The following SHLD1 variants were observed in gnomAD, a reference collection of about 807,000 sequenced individuals.
SHLD1 encodes the protein RINN1-REV7-interacting novel NHEJ regulator 3.
In SHLD1, 3 loss-of-function variants were observed where a neutral mutation model predicts 5.5. The ratio of observed to expected loss-of-function variants is 0.54; its 90% CI spans 0.25 to 1.40. The LOEUF is 1.40. Among genes scored for constraint, SHLD1 ranks in the 40% most tolerant of loss-of-function variants. SHLD1 has a pLI of 0.15. For missense variants in SHLD1, 210 were observed against 244.4 expected, an observed-to-expected ratio of 0.86 and a Z score of 0.94; for synonymous variants, 92 against 94.3, an observed-to-expected ratio of 0.98 and a Z score of 0.14.
chr20:5,849,729 G>A (rs1026071517), intron 2 of SHLD1, among the ~76,000 whole-genome samples: 2 of 151,930 alleles, frequency 1.3e-5, no homozygotes, highest in African/African-American at 4.8e-5. Flanking sequence ...GGAGGCCGAG[G>A]CGGGTGGATC....
rs535957737 is a variant in SHLD1 at position 5,825,889 on chromosome 20, T to C, written c.179-37135T>C. Among the ~76,000 whole-genome samples the C allele has an allele frequency of 3.2e-4, 49 of 152,378 alleles. 1 individual carries two copies. In the South Asian group the frequency reaches 4.6e-3, roughly 14 times the overall value. ...AATATTTTCCTGACAGTGTAAGTTT[T>C]CATTCTCAGAACTGAGTATTATGCA... is the stretch of plus-strand genomic sequence containing the variant. On this transcript the variant is annotated intron_variant, in intron 2 of 2. Coordinates refer to ENST00000303142, the MANE Select transcript of SHLD1 (RefSeq NM_152504.4).
At chr20:5,762,817 C>T (rs1052966244) in intron 1 of SHLD1, among the ~76,000 whole-genome samples, 4 of 151,580 alleles carry the variant, frequency 2.6e-5, no homozygotes, top group African/African-American at 9.7e-5. Context: ...TACTAAAATA[C>T]AAAAAATTAG....
At chr20:5,838,861 A>G (rs1568526508) in intron 2 of SHLD1, among the ~76,000 whole-genome samples, 1 of 152,228 alleles carries the variant, frequency 6.6e-6, no homozygotes, top group South Asian at 2.1e-4. Context: ...TTTGATGTGC[A>G]TTTGATTAAT....
At chr20:5,851,951 G>A (rs1347899509) in intron 2 of SHLD1, among the ~76,000 whole-genome samples, 2 of 151,786 alleles carry the variant, frequency 1.3e-5, no homozygotes, top group Non-Finnish European at 1.5e-5. Flanking sequence ...TGCTGTCCTC[G>A]AAATAGTGAG....
chr20:5,849,965 C>CAAAAAAA (rs752647466), intron 2 of SHLD1, among the ~76,000 whole-genome samples: 2 of 50,238 alleles, frequency 4.0e-5, no homozygotes, highest in African/African-American at 1.4e-4. Flanking sequence ...GACTCCGTCT[C>CAAAAAAA]AAAAAAAAAA....
chr20:5,846,143 G>C (rs1033092921), intron 2 of SHLD1, among the ~76,000 whole-genome samples: 9 of 152,174 alleles, frequency 5.9e-5, no homozygotes, highest in African/African-American at 2.2e-4. Flanking sequence ...AACTGGCTCT[G>C]TTTTGATAGA....
intron 1 of SHLD1, among the ~76,000 whole-genome samples, chr20:5,769,626 A>G (rs181268376): frequency 5.9e-5 from 9 of 152,354 alleles, no homozygotes; most frequent in African/African-American, 1.9e-4. Context: ...ATACTGTAAT[A>G]TAAGTTATGT....
chr20:5,808,507 C>A (rs1310383830), intron 2 of SHLD1, among the ~76,000 whole-genome samples: 1 of 152,128 alleles, frequency 6.6e-6, no homozygotes, highest in African/African-American at 2.4e-5. Flanking sequence ...CCTTTTTTCA[C>A]TTATTGCTAT....
chr20:5,854,885 A>C (rs1445489591), intron 2 of SHLD1, among the ~76,000 whole-genome samples: 1 of 44,032 alleles, frequency 2.3e-5, no homozygotes, highest in East Asian at 1.4e-3. Flanking sequence ...TTTTTTTTTT[A>C]AGAGACAGGT....
chr20:5,756,049 C>T (rs953035442), intron 1 of SHLD1, among the ~76,000 whole-genome samples: 4 of 152,050 alleles, frequency 2.6e-5, no homozygotes, highest in Admixed American at 6.6e-5. Context: ...TCTGTTTTGT[C>T]AGTCTTATGA....
intron 1 of SHLD1, among the ~76,000 whole-genome samples, chr20:5,762,003 G>C (rs1213452473): frequency 1.3e-5 from 2 of 151,430 alleles, no homozygotes; most frequent in East Asian, 3.9e-4. Flanking sequence ...TGTAATCCTA[G>C]CACTTTGGGA....
At chr20:5,751,989 A>G (rs60718912) in intron 1 of SHLD1, among the ~76,000 whole-genome samples, 2,779 of 152,268 alleles carry the variant, frequency 0.018, 84 homozygotes, top group African/African-American at 0.062. Flanking sequence ...AAAGACTTGA[A>G]GTCAGTAGAA....
chr20:5,767,435 G>A (rs1325608523), intron 1 of SHLD1, among the ~76,000 whole-genome samples: 1 of 152,142 alleles, frequency 6.6e-6, no homozygotes, highest in African/African-American at 2.4e-5. Flanking sequence ...ACCGCGCCTG[G>A]CCTCTTTATT....
chr20:5,838,766 A>C (rs2087819961), intron 2 of SHLD1, among the ~76,000 whole-genome samples: 1 of 152,246 alleles, frequency 6.6e-6, no homozygotes, highest in African/African-American at 2.4e-5. Flanking sequence ...TGACGGAGCG[A>C]GACTCTGTCT....
chr20:5,807,354 C>G (rs1268606298), intron 2 of SHLD1, among the ~76,000 whole-genome samples: 6 of 149,788 alleles, frequency 4.0e-5, no homozygotes, highest in South Asian at 4.2e-4. Context: ...TTCTTTCCTT[C>G]TTTTCTTTCT....
intron 2 of SHLD1, among the ~76,000 whole-genome samples, chr20:5,800,685 C>CAA (rs11467458): frequency 1.2e-4 from 18 of 150,384 alleles, no homozygotes; most frequent in African/African-American, 4.4e-4. Flanking sequence ...GAGACTGTCT[C>CAA]AAAAAAAAAA....
intron 2 of SHLD1, among the ~76,000 whole-genome samples, chr20:5,775,855 C>T (rs1190428064): frequency 2.0e-5 from 3 of 150,664 alleles, no homozygotes; most frequent in African/African-American, 7.3e-5. Flanking sequence ...GGAGTGGACT[C>T]TCAGGAGATC....
At chr20:5,831,172 A>G (rs2087724940) in intron 2 of SHLD1, among the ~76,000 whole-genome samples, 1 of 152,218 alleles carries the variant, frequency 6.6e-6, no homozygotes, top group Non-Finnish European at 1.5e-5. Flanking sequence ...CCAAGGTTAA[A>G]GGTCACACAA....
At chr20:5,796,830 G>GAA (rs1259266796) in intron 2 of SHLD1, among the ~76,000 whole-genome samples, 9 of 89,508 alleles carry the variant, frequency 1.0e-4, no homozygotes, top group Admixed American at 1.2e-4. Flanking sequence ...CCCTGTCTCA[G>GAA]AAAAAAAAAA....
Sources: gnomAD v4.1 joint callset for allele counts (sites outside exome capture counted in the v4.1 genomes callset) on GRCh38, gnomAD v4.1.1 for gene constraint, MANE v1.5 for transcripts, NCBI Gene and HGNC (gene_info 2026-07-23, HGNC 2026-07-21) for gene names.